Variants in PTPN4 observed in about 807,000 individuals in gnomAD.
PTPN4 encodes tyrosine-protein phosphatase non-receptor type 4.
A neutral mutation model predicts 135.5 loss-of-function variants in PTPN4; 49 were observed. The ratio of observed to expected loss-of-function variants is 0.36; its 90% CI spans 0.29 to 0.46. The LOEUF (loss-of-function observed/expected upper bound fraction) is 0.46, where lower values mean the gene tolerates loss of function less well. Ranked by LOEUF, PTPN4 falls within the 20% of genes least tolerant of loss-of-function variation. PTPN4 has a pLI of 1.00. For synonymous variants in PTPN4, 333 were observed against 369.9 expected (o/e 0.90, Z 1.14); for missense variants, 860 against 1,101.0 (o/e 0.78, Z 3.10).
At chr2:119,833,066 G>T (rs187845798) in intron 2 of PTPN4, among the ~76,000 whole-genome samples, 1 of 152,058 alleles carries the variant, frequency 6.6e-6, no homozygotes, top group Non-Finnish European at 1.5e-5. Context: ...CTATCATTCT[G>T]TTCCCTTTTT....
intron 2 of PTPN4, among the ~76,000 whole-genome samples, chr2:119,813,302 C>A (rs1381055749): frequency 6.6e-6 from 1 of 150,730 alleles, no homozygotes; most frequent in African/African-American, 2.4e-5. Context: ...GGCTGGAGTA[C>A]AATGGCACGA....
At chr2:119,936,716 C>T (rs1334332978) in intron 15 of PTPN4, among the ~76,000 whole-genome samples, 1 of 152,166 alleles carries the variant, frequency 6.6e-6, no homozygotes, top group East Asian at 1.9e-4. Context: ...CATCTCAAAA[C>T]ACCTTTATTC....
At chr2:119,769,858 C>A (rs527766512) in intron 1 of PTPN4, among the ~76,000 whole-genome samples, 4 of 152,260 alleles carry the variant, frequency 2.6e-5, no homozygotes, top group Admixed American at 2.6e-4. Flanking sequence ...ATTTTAAATG[C>A]CATCTTTTGG....
chr2:119,912,346 A>G (rs1273864590), intron 10 of PTPN4, among the ~76,000 whole-genome samples: 1 of 152,170 alleles, frequency 6.6e-6, no homozygotes, highest in Non-Finnish European at 1.5e-5. Flanking sequence ...AGATATGTTC[A>G]CTATCTTGAC....
At chr2:119,811,945 C>G (rs1676886803) in intron 2 of PTPN4, among the ~76,000 whole-genome samples, 1 of 151,396 alleles carries the variant, frequency 6.6e-6, no homozygotes, top group South Asian at 2.1e-4. Flanking sequence ...TTCAATAGAC[C>G]TGGATATATT....
chr2:119,778,629 T>C (rs1441153889), intron 1 of PTPN4, among the ~76,000 whole-genome samples: 1 of 152,106 alleles, frequency 6.6e-6, no homozygotes, highest in Non-Finnish European at 1.5e-5. Flanking sequence ...TAGGATATAG[T>C]GAGTTGTAAA....
chr2:119,877,915 G>A (rs1294847623), intron 5 of PTPN4, among the ~76,000 whole-genome samples: 1 of 151,966 alleles, frequency 6.6e-6, no homozygotes. Flanking sequence ...CCATGTGAAA[G>A]CATATTCTAG....
chr2:119,871,553 C>T (rs1015392347), intron 3 of PTPN4, among the ~76,000 whole-genome samples: 2 of 152,022 alleles, frequency 1.3e-5, no homozygotes, highest in Non-Finnish European at 2.9e-5. Context: ...CAGCATCTAA[C>T]ATTATTAAAT....
chr2:119,813,060 C>T (rs903725576), intron 2 of PTPN4, among the ~76,000 whole-genome samples: 1 of 152,104 alleles, frequency 6.6e-6, no homozygotes, highest in African/African-American at 2.4e-5. Context: ...CACACACACA[C>T]AAAAGGCTTA....
intron 24 of PTPN4, among the ~76,000 whole-genome samples, chr2:119,963,738 A>T (rs1270361605): frequency 6.6e-6 from 1 of 152,226 alleles, no homozygotes; most frequent in Non-Finnish European, 1.5e-5. Flanking sequence ...GGGTTTGGGG[A>T]CATATACTGT....
intron 18 of PTPN4, among the ~76,000 whole-genome samples, chr2:119,950,600 A>C (rs1246884803): frequency 6.6e-6 from 1 of 152,146 alleles, no homozygotes; most frequent in East Asian, 1.9e-4. Context: ...TTGATAAAGA[A>C]TTTCAGTAGT....
chr2:119,876,611 T>G (rs1221683261), intron 3 of PTPN4, among the ~76,000 whole-genome samples: 1 of 152,132 alleles, frequency 6.6e-6, no homozygotes, highest in Non-Finnish European at 1.5e-5. Flanking sequence ...GATTTTTTTT[T>G]AATTGAAACA....
At chr2:119,926,349 T>G (rs567123107) in intron 12 of PTPN4, among the ~76,000 whole-genome samples, 3 of 152,292 alleles carry the variant, frequency 2.0e-5, no homozygotes, top group African/African-American at 4.8e-5. Flanking sequence ...AACAAAAATC[T>G]GGAGCTGTTC....
At chr2:119,784,149 G>C (rs930252893) in intron 1 of PTPN4, among the ~76,000 whole-genome samples, 2 of 152,064 alleles carry the variant, frequency 1.3e-5, no homozygotes, top group African/African-American at 4.8e-5. Flanking sequence ...GGGCTTTTCT[G>C]ATGTAGTCTT....
At chr2:119,956,301 A>T (rs1679282094) in intron 20 of PTPN4, among the ~76,000 whole-genome samples, 1 of 145,122 alleles carries the variant, frequency 6.9e-6, no homozygotes, top group Admixed American at 7.1e-5. Flanking sequence ...CTGATCTCAA[A>T]TTCCTATGTC....
At chr2:119,940,045 ACTTGCACTTGGGAG>A (rs1432583502) in intron 15 of PTPN4, among the ~76,000 whole-genome samples, 23 of 152,214 alleles carry the variant, frequency 1.5e-4, no homozygotes, top group Non-Finnish European at 4.4e-5. Context: ...AGGCTCTGTC[ACTTGCACTTGGGAG>A]CTAAGGGCAG....
At chr2:119,929,812 G>A (rs1029555597) in intron 13 of PTPN4, among the ~76,000 whole-genome samples, 2 of 152,044 alleles carry the variant, frequency 1.3e-5, no homozygotes, top group South Asian at 2.1e-4. Flanking sequence ...GCAATAAAGT[G>A]TTCTGACGCT....
intron 2 of PTPN4, among the ~76,000 whole-genome samples, chr2:119,858,083 G>A (rs1295061458): frequency 6.6e-6 from 1 of 152,158 alleles, no homozygotes; most frequent in African/African-American, 2.4e-5. Context: ...CTTCCACTTT[G>A]CCTTCTGCCA....
intron 9 of PTPN4, among the ~76,000 whole-genome samples, chr2:119,894,096 C>A (rs953874636): frequency 5.9e-5 from 9 of 152,160 alleles, no homozygotes; most frequent in African/African-American, 1.9e-4. Context: ...CTCCACTTTA[C>A]AGATGAGGAA....
Sources: gnomAD v4.1 joint callset for allele counts (sites outside exome capture counted in the v4.1 genomes callset) on GRCh38, gnomAD v4.1.1 for gene constraint, MANE v1.5 for transcripts, NCBI Gene and HGNC (gene_info 2026-07-23, HGNC 2026-07-21) for gene names.